The following SUN3 variants were observed in gnomAD, a reference collection of about 807,000 sequenced individuals.
SUN3 encodes the protein SUN domain-containing protein 3.
A neutral mutation model predicts 48.2 loss-of-function variants in SUN3; 36 were observed. That is an observed-to-expected ratio of 0.75 (90% CI 0.57 to 0.99). SUN3 has a LOEUF of 0.99. Among genes scored for constraint, SUN3 ranks in the 50% least tolerant of loss-of-function variants. The pLI, the probability that SUN3 is intolerant of heterozygous loss-of-function variation, is 0.00. For synonymous variants in SUN3, 148 were observed against 147.9 expected (o/e 1.00, Z 0.00); for missense variants, 419 against 433.1 (o/e 0.97, Z 0.29).
rs755295610 is a variant in SUN3 at position 47,996,054 on chromosome 7, T to C, written c.670A>G (p.Met224Val). 1 of 1,577,898 alleles carries C rather than the reference T, an allele frequency of 6.3e-7. No individual in the cohort carries two copies. Residue 224 changes from methionine (M) to valine (V), a missense_variant, in exon 7 of 10, where the codon ATG (methionine) becomes GTG (valine). Met to Val is a conservative substitution (Grantham distance 21). Transcript: ENST00000297325. ...ACCTGAAGAATAATATCTGGAGGCA[T>C]TTCATGATTTAGGAAACCTATCCCA... Reference protein sequence around the residue: ...WHGIGFLNHEMPPDIILQPDV... With the variant: ...WHGIGFLNHEVPPDIILQPDV...
At chr7:48,022,570 T>A (rs911894628) in intron 2 of SUN3, among the ~76,000 whole-genome samples, 7 of 151,856 alleles carry the variant, frequency 4.6e-5, no homozygotes, top group Admixed American at 6.6e-5. Context: ...AATTAAAAAA[T>A]TTTAAATTTT....
the SUN3 span, among the ~76,000 whole-genome samples, chr7:48,034,375 G>A: frequency 5.3e-5 from 8 of 152,074 alleles, no homozygotes; most frequent in Admixed American, 4.6e-4. Context: ...GGCTATACTC[G>A]TGTAACAGAA....
chr7:48,027,552 C>T (rs912730303), intron 1 of SUN3, among the ~76,000 whole-genome samples: 18 of 152,058 alleles, frequency 1.2e-4, no homozygotes, highest in African/African-American at 3.6e-4. Flanking sequence ...TATAAACTTC[C>T]GGATAAAGTA....
rs764771882 is a variant in SUN3 at position 48,009,026 on chromosome 7, C to T, written c.329+9G>A. On this transcript the variant is annotated intron_variant, in intron 4 of 9. Transcript: ENST00000297325. The stretch of plus-strand genomic sequence containing the variant: ...CAAAAAGAGGCATATAGCAAAAGAT[C>T]GCACTCACTTTAAAAGTTCCAGTTG... The T allele has an allele frequency of 5.0e-6, 8 of 1,610,266 alleles. No homozygotes were observed. The highest frequency in any genetic ancestry group is 1.7e-4 in the Middle Eastern group (1 of 5,960).
intron 7 of SUN3, 79 bp from the exon 8 acceptor site, chr7:47,994,561 T>C (rs1487209070): frequency 1.4e-6 from 2 of 1,421,642 alleles, no homozygotes; most frequent in East Asian, 2.4e-5. Context: ...TAATCACTAT[T>C]GACTGCAGAT....
chr7:48,017,313 T>C lies in SUN3; in HGVS notation c.237A>G (p.Arg79=), dbSNP rs1789840341. ...ATTCTGCAATTATGGCATATAATTG[T>C]CTGGATTTCTGAGGAACATCTGTTT... is the stretch of plus-strand genomic sequence containing the variant. ...LKETDVPQKS[R]QLYAIIAEYG... is the part of the protein sequence containing the mutation. The change falls in exon 3 of 10, where the codon AGA becomes AGG. Residue 79 remains arginine (R), a synonymous_variant. Coordinates refer to ENST00000297325, the MANE Select transcript of SUN3 (RefSeq NM_001030019.2). 4 of 1,610,224 alleles carry C rather than the reference T, an allele frequency of 2.5e-6. No homozygotes were observed. The African/African-American group carries it at 4.0e-5, about 16-fold the overall frequency.
Position 48,028,967 on chromosome 7 carries a change from T to C in SUN3, c.-29A>G. ...CCCCTACCAAAGAACAAACAGCTGG[T>C]AGGATGAAGAGCAACATTTGTCCTC... On this transcript the variant is annotated 5_prime_UTR_variant, in exon 1 of 10. Transcript: ENST00000297325. The C allele has an allele frequency of 6.2e-7, 1 of 1,613,244 alleles. No homozygotes were observed. Among genetic ancestry groups the C allele is most frequent in the Admixed American group, 1.7e-5 (1 of 59,950 alleles).
the SUN3 span, chr7:48,035,450 G>A: frequency 2.0e-3 from 1,354 of 690,922 alleles, 16 homozygotes; most frequent in African/African-American, 0.021. This position sits in a 1 kb window ranked among gnomAD's most constrained non-coding sequence, Gnocchi z 4.0. Flanking sequence ...TTCCCCTATT[G>A]GCTGACAGTG....
At chr7:48,002,852 G>A (rs1052936091) in intron 6 of SUN3, among the ~76,000 whole-genome samples, 1 of 152,100 alleles carries the variant, frequency 6.6e-6, no homozygotes, top group Non-Finnish European at 1.5e-5. Flanking sequence ...TGAGACTATG[G>A]GGTTTTCTAA....
chr7:48,034,017 G>A (rs1178260068), upstream of SUN3, among the ~76,000 whole-genome samples: 3 of 152,324 alleles, frequency 2.0e-5, no homozygotes, highest in Middle Eastern at 3.4e-3. Flanking sequence ...TCACCCCACT[G>A]CACTCCAGCC....
chr7:47,999,575 C>G (rs1375678752), intron 6 of SUN3, among the ~76,000 whole-genome samples: 1 of 152,148 alleles, frequency 6.6e-6, no homozygotes, highest in Non-Finnish European at 1.5e-5. Context: ...CTCTGGGGCC[C>G]AGGCTGGAGT....
upstream of SUN3, among the ~76,000 whole-genome samples, chr7:48,031,619 A>G (rs900194647): frequency 5.9e-5 from 9 of 152,342 alleles, no homozygotes; most frequent in Non-Finnish European, 8.8e-5. Context: ...TGGTATACTC[A>G]TTATGAAAAA....
intron 7 of SUN3, among the ~76,000 whole-genome samples, chr7:47,994,917 T>C (rs1017777325): frequency 1.3e-5 from 2 of 151,074 alleles, no homozygotes; most frequent in African/African-American, 2.4e-5. Context: ...CCTAAAAAGG[T>C]GGTGGTAGAG....
At chr7:48,035,773 G>A in the SUN3 span, 1 of 584,336 alleles carries the variant, frequency 1.7e-6, no homozygotes, top group African/African-American at 1.9e-5. This position sits in a 1 kb window ranked among gnomAD's most constrained non-coding sequence, Gnocchi z 4.0. Context: ...GATGAGCACA[G>A]GGCGGGATCT....
In SUN3 at chr7:48,028,846, T is replaced by C; in HGVS notation, c.93A>G (p.Leu31=). The change falls in exon 1 of 10, where the codon TTA becomes TTG. Residue 31 remains leucine (L), a synonymous_variant. Coordinates refer to ENST00000297325, the MANE Select transcript of SUN3 (RefSeq NM_001030019.2). The part of the protein sequence containing the change: ...ASGSASGNAL[L]SEDENPDANG... ...TCGCATCAGGATTTTCGTCCTCTGA[T>C]AACAAAGCATTGCCACTGGCGCTAC... is the stretch of plus-strand genomic sequence containing the variant. 1 of 1,613,966 alleles carries C rather than the reference T, an allele frequency of 6.2e-7. No individual in the cohort carries two copies. Among genetic ancestry groups the C allele is most frequent in the African/African-American group, 1.3e-5 (1 of 75,046 alleles).
At chr7:48,008,215 A>G (rs1789588483) in intron 4 of SUN3, among the ~76,000 whole-genome samples, 1 of 152,234 alleles carries the variant, frequency 6.6e-6, no homozygotes, top group South Asian at 2.1e-4. Context: ...ATGCTGAAAA[A>G]GTATAAGCAC....
chr7:48,015,383 G>A (rs1264496978), intron 3 of SUN3, among the ~76,000 whole-genome samples: 2 of 152,188 alleles, frequency 1.3e-5, no homozygotes, highest in Admixed American at 6.5e-5. Flanking sequence ...TGAGATGGGA[G>A]TTATCCTGGG....
chr7:48,003,025 T>C (rs1333762612), intron 6 of SUN3, among the ~76,000 whole-genome samples: 1 of 136,796 alleles, frequency 7.3e-6, no homozygotes, highest in Non-Finnish European at 1.7e-5. Context: ...TCTTCCAGGG[T>C]TTTCTTTTTT....
intron 6 of SUN3, among the ~76,000 whole-genome samples, chr7:48,002,286 A>C (rs1256860197): frequency 1.4e-5 from 2 of 139,972 alleles, no homozygotes; most frequent in African/African-American, 6.3e-5. Flanking sequence ...CAGCCTCCCG[A>C]GTAGCTGGGA....
Sources: allele counts gnomAD v4.1 joint callset (sites outside exome capture counted in the v4.1 genomes callset), GRCh38; gene constraint gnomAD v4.1.1; non-coding constraint Gnocchi (gnomAD v3.1); transcripts MANE v1.5; gene names NCBI Gene and HGNC (gene_info 2026-07-23, HGNC 2026-07-21).